EPS15: variants seen among roughly 807,000 people sequenced by gnomAD.
EPS15 encodes the protein epidermal growth factor receptor pathway substrate 15.
Under a neutral mutation model 113.8 loss-of-function variants are expected in EPS15, and 72 were observed. That is an observed-to-expected ratio of 0.63 (90% CI 0.52 to 0.77). The LOEUF (loss-of-function observed/expected upper bound fraction) is 0.77. EPS15 is among the 30% of genes least tolerant of loss of function. The pLI, the probability that EPS15 is intolerant of heterozygous loss-of-function variation, is 0.00. For missense variants in EPS15, 1,048 were observed against 1,045.8 expected (o/e 1.00, Z -0.03); for synonymous variants, 344 against 363.4 (o/e 0.95, Z 0.61).
chr1:51,397,483 C>T (rs763057109), intron 20 of EPS15, among the ~76,000 whole-genome samples: 10 of 152,132 alleles, frequency 6.6e-5, no homozygotes, highest in Non-Finnish European at 1.5e-4. Context: ...CTTTCTTGCT[C>T]TTTAGATGAT....
chr1:51,364,055 A>G (rs779467184), intron 22 of EPS15, 27 bp from the exon 23 acceptor site: 8 of 1,564,710 alleles, frequency 5.1e-6, no homozygotes, highest in Middle Eastern at 1.7e-4. Flanking sequence ...ATGGTTATAC[A>G]TGGCTATACC....
chr1:51,359,157 T>A (rs1646315692), intron 24 of EPS15, among the ~76,000 whole-genome samples: 1 of 152,028 alleles, frequency 6.6e-6, no homozygotes, highest in African/African-American at 2.4e-5. Flanking sequence ...TAATGAAAGT[T>A]AAGTCGGGCT....
At chr1:51,392,608 T>G (rs1647494966) in intron 21 of EPS15, among the ~76,000 whole-genome samples, 1 of 152,178 alleles carries the variant, frequency 6.6e-6, no homozygotes, top group Non-Finnish European at 1.5e-5. Context: ...AATGTGTTAG[T>G]TTTTCCTTGA....
intron 6 of EPS15, among the ~76,000 whole-genome samples, chr1:51,464,534 A>C (rs571128374): frequency 7.4e-4 from 113 of 152,106 alleles, no homozygotes; most frequent in African/African-American, 2.6e-3. Flanking sequence ...GCCACAAATA[A>C]ATTTTTAAAA....
Position 51,426,854 on chromosome 1 carries a change from C to CACACACATATATATATACACATATAT in EPS15, c.1041-4997_1041-4996insATATATGTGTATATATATATGTGTGT, listed in dbSNP as rs1553124720. 7.4e-3 allele frequency among the ~76,000 whole-genome samples: 1,023 copies of CACACACATATATATATACACATATAT among 138,378 alleles called. 26 individuals carry two copies. The highest frequency in any genetic ancestry group is 0.027 in the African/African-American group (980 of 36,162). 90.8% of individuals were successfully genotyped at this position (138,378 alleles called of 152,430 possible). A position where few individuals can be genotyped will look rare whatever the true frequency, so the allele number is the denominator to read the frequency against. ...CTCTCTCTCTATATATATATATATA[C>CACACACATATATATATACACATATAT]ACACACACATATATATATACACATA... On this transcript the variant is annotated intron_variant, in intron 12 of 24. Transcript: ENST00000371733.
chr1:51,358,709 G>GTT (rs71063028), intron 24 of EPS15, among the ~76,000 whole-genome samples: 6,951 of 121,296 alleles, frequency 0.057, 262 homozygotes, highest in Non-Finnish European at 0.089. Context: ...GTTTTTTTTT[G>GTT]TTTTTTTTTT....
chr1:51,461,245 G>T, intron 7 of EPS15, 95 bp from the exon 8 acceptor site: 1 of 890,144 alleles, frequency 1.1e-6, no homozygotes, highest in Non-Finnish European at 1.8e-6. Context: ...AGGAATGGTG[G>T]CTCATGCCCA....
At chr1:51,454,573 C>T (rs1241005401) in intron 8 of EPS15, among the ~76,000 whole-genome samples, 4 of 152,180 alleles carry the variant, frequency 2.6e-5, no homozygotes, top group Non-Finnish European at 4.4e-5. Context: ...ACGAGAATAG[C>T]ATCAGACAAA....
chr1:51,419,870 C>T (rs1650582475), intron 13 of EPS15, among the ~76,000 whole-genome samples: 3 of 152,158 alleles, frequency 2.0e-5, no homozygotes, highest in Middle Eastern at 6.8e-3. Flanking sequence ...AAAATGATCA[C>T]TAATATAAGA....
At chr1:51,508,248 A>AAAGAAAAGAAAG (rs1644540479) in intron 1 of EPS15, among the ~76,000 whole-genome samples, 1 of 103,962 alleles carries the variant, frequency 9.6e-6, no homozygotes, top group East Asian at 2.5e-4. Context: ...GAAAGAGAGA[A>AAAGAAAAGAAAG]AGAGAGAGAG....
chr1:51,443,424 G>A (rs1232387530), intron 11 of EPS15, among the ~76,000 whole-genome samples: 1 of 151,812 alleles, frequency 6.6e-6, no homozygotes, highest in East Asian at 1.9e-4. Flanking sequence ...TATCCTTCTG[G>A]GTGGCATCAC....
At position 51,452,123 on chromosome 1, in the gene EPS15, G is replaced by A. The variant is rs965463439; in HGVS notation, c.562-3988C>T. Among the ~76,000 whole-genome samples, 7 of 151,088 alleles carry A rather than the reference G, an allele frequency of 4.6e-5. No homozygotes were observed. The East Asian group carries it at 7.8e-4, about 17-fold the overall frequency. On this transcript the variant is annotated intron_variant, in intron 8 of 24. Transcript: ENST00000371733. Reference sequence around the variant, plus strand: ...TGGTCTCCAACTTCTGAGCTCAAGCGATCCACCCACCCCAGCCTCCCAAAA... The same window carrying A: ...TGGTCTCCAACTTCTGAGCTCAAGCAATCCACCCACCCCAGCCTCCCAAAA...
intron 1 of EPS15, among the ~76,000 whole-genome samples, chr1:51,510,880 C>T (rs1318690967): frequency 6.6e-6 from 1 of 152,126 alleles, no homozygotes; most frequent in Non-Finnish European, 1.5e-5. Context: ...AAGTATGTAT[C>T]TAGGCCGGGC....
intron 1 of EPS15, chr1:51,490,407 T>C (rs900403642): frequency 6.2e-6 from 2 of 321,442 alleles, no homozygotes; most frequent in Non-Finnish European, 1.2e-5. Context: ...CTACTAAAAA[T>C]ACAAAAAATT....
chr1:51,376,134 A>G (rs1340694092), intron 21 of EPS15, among the ~76,000 whole-genome samples: 2 of 152,262 alleles, frequency 1.3e-5, no homozygotes, highest in Non-Finnish European at 2.9e-5. Flanking sequence ...GCTTTGAAGC[A>G]TCAAAGGACA....
chr1:51,498,636 T>C (rs971881441), intron 1 of EPS15, among the ~76,000 whole-genome samples: 1 of 152,222 alleles, frequency 6.6e-6, no homozygotes, highest in Admixed American at 6.5e-5. Flanking sequence ...CCACTTACTA[T>C]GGGTTTATCA....
At chr1:51,386,084 AAAAT>A (rs1244094006) in intron 21 of EPS15, among the ~76,000 whole-genome samples, 1 of 152,234 alleles carries the variant, frequency 6.6e-6, no homozygotes, top group Non-Finnish European at 1.5e-5. Context: ...TTATCATAAC[AAAAT>A]AAATAATGTC....
At chr1:51,403,213 T>C (rs1277451237) in intron 17 of EPS15, among the ~76,000 whole-genome samples, 1 of 152,140 alleles carries the variant, frequency 6.6e-6, no homozygotes, top group African/African-American at 2.4e-5. Context: ...ATTAAGAACA[T>C]TTATTTATTT....
chr1:51,471,928 A>G (rs1311531865), intron 3 of EPS15, among the ~76,000 whole-genome samples, 191 bp from the exon 4 acceptor site: 1 of 152,194 alleles, frequency 6.6e-6, no homozygotes, highest in South Asian at 2.1e-4. Flanking sequence ...CACAGGCCAC[A>G]TGCAGCCCAG....
Sources: gnomAD v4.1 joint callset for allele counts (sites outside exome capture counted in the v4.1 genomes callset) on GRCh38, gnomAD v4.1.1 for gene constraint, MANE v1.5 for transcripts, NCBI Gene and HGNC (gene_info 2026-07-23, HGNC 2026-07-21) for gene names.